TRIM66: variants seen among roughly 807,000 people sequenced by gnomAD.
TRIM66 encodes the protein tripartite motif containing 66, also known as tripartite motif-containing protein 66.
A neutral mutation model predicts 148.2 loss-of-function variants in TRIM66; 99 were observed. The observed-to-expected ratio is 0.67, with a 90% confidence interval of 0.57 to 0.79. The LOEUF is 0.79. Ranked by LOEUF, TRIM66 falls within the 30% of genes least tolerant of loss-of-function variation. The pLI, the probability that TRIM66 is intolerant of heterozygous loss-of-function variation, is 0.00. For missense variants in TRIM66, 1,666 were observed against 1,697.9 expected (o/e 0.98, Z 0.33); for synonymous variants, 616 against 635.9 (o/e 0.97, Z 0.47).
chr11:8,683,058 C>G (rs999003335), upstream of TRIM66: 6 of 943,168 alleles, frequency 6.4e-6, no homozygotes, highest in African/African-American at 4.9e-5. Context: ...CCTCACGGCC[C>G]TGAGCGGATC....
At chr11:8,645,351 A>C (rs1458273375) in intron 12 of TRIM66, among the ~76,000 whole-genome samples, 2 of 152,084 alleles carry the variant, frequency 1.3e-5, no homozygotes, top group African/African-American at 4.8e-5. Context: ...CTTCAACCTT[A>C]TCTCCAACTC....
Position 8,672,095 on chromosome 11 carries a change from C to T in TRIM66, c.31G>A (p.Val11Met), listed in dbSNP as rs1185696168. 7.8e-6 allele frequency: 12 copies of T among 1,529,846 alleles called. No homozygotes were observed. The Admixed American group carries it at 1.8e-4, about 23-fold the overall frequency. The allele number at this position is 1,529,846 out of a possible 1,614,324, so 94.8% of individuals were successfully genotyped here. The change falls in exon 6 of 25, where the codon GTG becomes ATG. Residue 11 changes from valine to methionine, a missense_variant. By Grantham distance (21) the Val-to-Met change is conservative. This residue lies in a region of TRIM66 where 1,431 missense variants were observed against 1,412.4 expected (regional missense o/e 1.01). Coordinates refer to ENST00000646038, the MANE Select transcript of TRIM66 (RefSeq NM_001388022.1). ...CAGCGTGTAGAGCGAGCCAGCTCCA[C>T]TCCCTGTAAGTGAAGCACAAAGCAG... Reference protein sequence around the residue: MARLSFWSQGVELARSTRCFS... With the variant: MARLSFWSQGMELARSTRCFS...
intron 6 of TRIM66, chr11:8,654,415 C>T (rs528412086): frequency 3.6e-4 from 55 of 152,336 alleles, no homozygotes; most frequent in African/African-American, 1.3e-3. Context: ...CAGATAAACT[C>T]CTATTCATCC....
In TRIM66 at chr11:8,643,107, C is replaced by A. The variant is rs368669472; in HGVS notation, c.1124G>T (p.Arg375Leu). The change falls in exon 13 of 25, where the codon CGA becomes CTA. Residue 375 changes from arginine to leucine, a missense_variant. This residue lies in a region of TRIM66 where 1,431 missense variants were observed against 1,412.4 expected (regional missense o/e 1.01). Coordinates refer to ENST00000646038, the MANE Select transcript of TRIM66 (RefSeq NM_001388022.1). ...SKELIVFQMQ[R>L]LLETSCNTDP... ...TGTGTTACAACTTGTCTCCAGCAAT[C>A]GCTGCATCTGAAACACAATCTGACA... 1.1e-5 allele frequency: 17 copies of A among 1,550,736 alleles called. No individual in the cohort carries two copies. The highest frequency in any genetic ancestry group is 3.3e-4 in the Middle Eastern group (2 of 6,006).
chr11:8,683,034 C>T, upstream of TRIM66: 1 of 853,288 alleles, frequency 1.2e-6, no homozygotes, highest in Non-Finnish European at 1.8e-6. Context: ...GGCCCCTGCG[C>T]TACCGTGGTG....
intron 12 of TRIM66, chr11:8,644,365 A>G (rs776436212): frequency 2.7e-5 from 12 of 450,542 alleles, no homozygotes; most frequent in South Asian, 1.8e-4. Context: ...ACTGCACTCA[A>G]TGACCATTTA....
intron 18 of TRIM66, among the ~76,000 whole-genome samples, chr11:8,622,251 A>G (rs901055147): frequency 6.7e-6 from 1 of 149,388 alleles, no homozygotes; most frequent in African/African-American, 2.5e-5. Context: ...GGACCCTGTG[A>G]TCACGTAAAT....
chr11:8,647,970 CT>C lies in TRIM66; in HGVS notation c.841del (p.Arg281GlyfsTer5). On this transcript the variant is annotated frameshift_variant and splice_region_variant, in exon 10 of 25. Transcript: ENST00000646038. LOFTEE classifies it high-confidence loss of function. ...LQTSAKQIED[R>X]IFEVKHQHRK... ...CTGGCAAGGCACTAGCCTGTGCTAC[CT>C]GTCCTCAATTTGCTTTGCAGATGTC... 1 of 1,551,000 alleles carries C rather than the reference CT, an allele frequency of 6.4e-7. No homozygotes were observed. The highest frequency in any genetic ancestry group is 8.7e-7 in the Non-Finnish European group (1 of 1,146,242).
rs549796865 is a variant in TRIM66 at position 8,625,877 on chromosome 11, T to C, written c.2311-649A>G. Among the ~76,000 whole-genome samples the C allele has an allele frequency of 3.9e-5, 6 of 152,334 alleles. No homozygotes were observed. In the South Asian group the frequency reaches 1.2e-3, roughly 32 times the overall value. The stretch of plus-strand genomic sequence containing the variant: ...GGTTGTTCAGATCAACTCCAAGCAC[T>C]ACTAGCATTTGATGTAGGCTTTAAC... On this transcript the variant is annotated intron_variant, in intron 15 of 24. Transcript: ENST00000646038.
At chr11:8,659,450 G>T (rs2038095662) in intron 6 of TRIM66, among the ~76,000 whole-genome samples, 1 of 152,150 alleles carries the variant, frequency 6.6e-6, no homozygotes, top group Non-Finnish European at 1.5e-5. Flanking sequence ...GCTAGTGGTG[G>T]TGTGTGAAGA....
chr11:8,667,084 C>T (rs943346743), intron 6 of TRIM66, among the ~76,000 whole-genome samples: 1 of 152,144 alleles, frequency 6.6e-6, no homozygotes, highest in Non-Finnish European at 1.5e-5. Flanking sequence ...TCTCAAAGTG[C>T]TGGGATTACA....
intron 6 of TRIM66, among the ~76,000 whole-genome samples, chr11:8,667,893 T>G (rs1434247869): frequency 6.6e-6 from 1 of 152,238 alleles, no homozygotes; most frequent in Non-Finnish European, 1.5e-5. Context: ...AAATATCTCT[T>G]CAAGTCCCTA....
Position 8,622,965 on chromosome 11 carries a change from T to A in TRIM66, c.3020-89A>T. 4 of 1,171,880 alleles carry A rather than the reference T, an allele frequency of 3.4e-6. No homozygotes were observed. The Middle Eastern group carries it at 5.7e-4, about 166-fold the overall frequency. The allele number at this position is 1,171,880 out of a possible 1,614,324, so 72.6% of individuals were successfully genotyped here. A position where few individuals can be genotyped will look rare whatever the true frequency, so the allele number is the denominator to read the frequency against. The stretch of plus-strand genomic sequence containing the variant: ...ATCTTCTACTTATATCTGCTATTCA[T>A]ACCTTTGGCCACACATCTGTCATAC... On this transcript the variant is annotated intron_variant, in intron 17 of 24. Transcript: ENST00000646038.
Position 8,614,346 on chromosome 11 carries a change from A to G in TRIM66, c.*3598T>C, listed in dbSNP as rs2033588274. The G allele has an allele frequency of 6.6e-6, 1 of 151,886 alleles. No individual in the cohort carries two copies. Among genetic ancestry groups the G allele is most frequent in the Non-Finnish European group, 1.5e-5 (1 of 67,982 alleles). The allele number at this position is 151,886 out of a possible 1,614,324, so 9.4% of individuals were successfully genotyped here. A position where few individuals can be genotyped will look rare whatever the true frequency, so the allele number is the denominator to read the frequency against. ...AGAGTGAGACTCTCTCTCTCAAAAA[A>G]TAAAAAATAAATAAATAAATAAATA... is the stretch of plus-strand genomic sequence containing the variant. On this transcript the variant is annotated 3_prime_UTR_variant, in exon 25 of 25. Transcript: ENST00000646038.
chr11:8,682,709 G>A (rs1421718879), upstream of TRIM66: 3 of 1,420,976 alleles, frequency 2.1e-6, no homozygotes, highest in African/African-American at 1.4e-5. Context: ...GGCCCCGCCC[G>A]AAGCCCGGCC....
chr11:8,628,630 A>AG (rs1394447732), intron 15 of TRIM66, among the ~76,000 whole-genome samples: 61 of 34,048 alleles, frequency 1.8e-3, no homozygotes, highest in South Asian at 3.8e-3. Context: ...AAAAAAAAAA[A>AG]AAAAAAAGAG....
In TRIM66 at chr11:8,616,248, G is replaced by C. The variant is rs1276661333; in HGVS notation, c.*1696C>G. 6.6e-6 allele frequency: 1 copy of C among 152,240 alleles called. No individual in the cohort carries two copies. Among genetic ancestry groups the C allele is most frequent in the Non-Finnish European group, 1.5e-5 (1 of 68,042 alleles). The allele number at this position is 152,240 out of a possible 1,614,324, so 9.4% of individuals were successfully genotyped here. On this transcript the variant is annotated 3_prime_UTR_variant, in exon 25 of 25. Transcript: ENST00000646038. ...GCATGGTTTGCTTTAAAGTGAAGAT[G>C]ATCTCTCAGGTTGGGTAGAGAAGGA...
intron 11 of TRIM66, 30 bp from the exon 12 acceptor site, chr11:8,645,917 A>G (rs150233493): frequency 6.5e-6 from 10 of 1,549,158 alleles, no homozygotes; most frequent in Middle Eastern, 1.7e-4. Context: ...AGAGTCCTTG[A>G]TCCTGTTACT....
Position 8,624,532 on chromosome 11 carries a change from G to A in TRIM66, c.2846C>T (p.Thr949Ile), listed in dbSNP as rs867767531. 6.5e-7 allele frequency: 1 copy of A among 1,528,702 alleles called. No individual in the cohort carries two copies. The highest frequency in any genetic ancestry group is 2.5e-5 in the East Asian group (1 of 40,756). The allele number at this position is 1,528,702 out of a possible 1,614,324, so 94.7% of individuals were successfully genotyped here. Residue 949 changes from threonine (T) to isoleucine (I), a missense_variant, in exon 17 of 25, where the codon ACT (threonine) becomes ATT (isoleucine). Physicochemically the swap from Thr to Ile is moderately conservative, Grantham distance 89. Transcript: ENST00000646038. ...TTGTCCCAGTAAGTCAGTGAAGCGA[G>A]TGGAATCCTCACTTTCCATCTTTCA... ...ALCKMESEDSTRFTDLLGQGP... is the reference protein window; with the variant it reads ...ALCKMESEDSIRFTDLLGQGP...
Sources: gnomAD v4.1 joint callset for allele counts (sites outside exome capture counted in the v4.1 genomes callset) on GRCh38, gnomAD v4.1.1 for gene constraint, gnomAD v4.1.1 regional missense constraint, MANE v1.5 for transcripts, NCBI Gene and HGNC (gene_info 2026-07-23, HGNC 2026-07-21) for gene names.